Variants in ECM2 observed in about 807,000 individuals in gnomAD.
ECM2 encodes extracellular matrix protein 2.
A neutral mutation model predicts 67.5 loss-of-function variants in ECM2; 57 were observed. The ratio of observed to expected loss-of-function variants is 0.84; its 90% CI spans 0.68 to 1.05. The LOEUF is 1.05. Ranked by LOEUF, ECM2 falls within the 50% of genes least tolerant of loss-of-function variation. ECM2 has a pLI of 0.00. For missense variants in ECM2, 741 were observed against 822.8 expected (o/e 0.90, Z 1.22); for synonymous variants, 258 against 294.5 (o/e 0.88, Z 1.27).
rs112785393 is a variant in ECM2, at chr9:92,522,009, A to G, written c.292+566T>C. ...TTGTAAATATAGTGGTAGGATAAGT[A>G]ATTTTTGTCTAATAATTATAAATGT... On this transcript the variant is annotated intron_variant, in intron 2 of 9. Transcript: ENST00000344604. 2.3e-4 allele frequency among the ~76,000 whole-genome samples: 35 copies of G among 152,310 alleles called. 1 individual carries two copies. The highest frequency in any genetic ancestry group is 8.4e-4 in the African/African-American group (35 of 41,566).
chr9:92,536,607 C>G (rs779848006), upstream of ECM2: 1 of 152,350 alleles, frequency 6.6e-6, no homozygotes, highest in African/African-American at 2.4e-5. Context: ...TTACCTGTTA[C>G]GCTGGCAAAT....
intron 1 of ECM2, among the ~76,000 whole-genome samples, chr9:92,534,926 A>G (rs1417907645): frequency 6.6e-6 from 1 of 152,150 alleles, no homozygotes; most frequent in Non-Finnish European, 1.5e-5. Flanking sequence ...CTCTAGAGTT[A>G]AACTCTCATG....
At chr9:92,506,751 A>G (rs1847030805) in intron 6 of ECM2, among the ~76,000 whole-genome samples, 1 of 152,186 alleles carries the variant, frequency 6.6e-6, no homozygotes, top group Non-Finnish European at 1.5e-5. Context: ...AGGAACTTCC[A>G]AGCTGAAATA....
intron 1 of ECM2, among the ~76,000 whole-genome samples, chr9:92,529,747 T>A (rs1848634301): frequency 6.6e-6 from 1 of 152,268 alleles, no homozygotes. Flanking sequence ...TCTATGACAT[T>A]CTAGAAAGGG....
rs373077547 is a variant in ECM2 at position 92,535,580 on chromosome 9, C to G, written c.-28+353G>C. ...AATTCTACATGAAGTCATGAGATGT[C>G]TATTATCTATTTTCACTTCATTCAA... On this transcript the variant is annotated intron_variant, in intron 1 of 9. Transcript: ENST00000344604. Among the ~76,000 whole-genome samples, 238 of 151,944 alleles carry G rather than the reference C, an allele frequency of 1.6e-3. 3 individuals carry two copies. Among genetic ancestry groups the G allele is most frequent in the African/African-American group, 5.5e-3 (230 of 41,474 alleles).
chr9:92,525,925 ATTATGTAC>A (rs942878035), intron 1 of ECM2, among the ~76,000 whole-genome samples: 5 of 151,366 alleles, frequency 3.3e-5, no homozygotes, highest in African/African-American at 1.2e-4. Flanking sequence ...AGCACATACA[ATTATGTAC>A]AGTACAGTAC....
At chr9:92,514,498 C>A in intron 4 of ECM2, 133 bp downstream of exon 4, 1 of 1,246,016 alleles carries the variant, frequency 8.0e-7, no homozygotes, top group Non-Finnish European at 1.1e-6. Flanking sequence ...TGGTCTCAAA[C>A]CCCTGACCTC....
intron 2 of ECM2, among the ~76,000 whole-genome samples, chr9:92,521,012 A>G (rs1433749559): frequency 6.6e-6 from 1 of 152,250 alleles, no homozygotes; most frequent in East Asian, 1.9e-4. Context: ...GAAAATGTGC[A>G]GAAACAAGAT....
chr9:92,542,664 G>A, the ECM2 span, among the ~76,000 whole-genome samples: 1 of 152,090 alleles, frequency 6.6e-6, no homozygotes, highest in Non-Finnish European at 1.5e-5. Context: ...CTACAGGCAT[G>A]CACCACCACA....
the ECM2 span, among the ~76,000 whole-genome samples, chr9:92,545,853 G>T: frequency 6.6e-6 from 1 of 151,552 alleles, no homozygotes; most frequent in African/African-American, 2.4e-5. Context: ...TCAAGGTTTG[G>T]TAAATGCACC....
At chr9:92,527,051 C>G (rs1249607229) in intron 1 of ECM2, among the ~76,000 whole-genome samples, 2 of 152,176 alleles carry the variant, frequency 1.3e-5, no homozygotes, top group Non-Finnish European at 2.9e-5. Flanking sequence ...CTCTGCCACC[C>G]AGGCTGGAGT....
chr9:92,551,323 C>G, the ECM2 span, among the ~76,000 whole-genome samples: 1 of 151,972 alleles, frequency 6.6e-6, no homozygotes, highest in African/African-American at 2.4e-5. Context: ...TAGCATACTT[C>G]CCCAAAATGA....
At chr9:92,557,160 T>C in the ECM2 span, among the ~76,000 whole-genome samples, 1 of 152,252 alleles carries the variant, frequency 6.6e-6, no homozygotes, top group Non-Finnish European at 1.5e-5. Flanking sequence ...CAATCCCTTC[T>C]AGCTTATAGG....
the ECM2 span, among the ~76,000 whole-genome samples, chr9:92,552,190 T>TACACAC: frequency 0.045 from 4,707 of 104,164 alleles, 337 homozygotes; most frequent in Middle Eastern, 0.074. Flanking sequence ...ATCTATCATA[T>TACACAC]ACACACACAC....
chr9:92,522,443 A>G, intron 2 of ECM2, 132 bp downstream of exon 2: 1 of 1,059,924 alleles, frequency 9.4e-7, no homozygotes, highest in South Asian at 2.0e-5. Flanking sequence ...AAGTAATATA[A>G]TAACCTGGAT....
intron 4 of ECM2, among the ~76,000 whole-genome samples, chr9:92,512,500 A>G (rs1179605907): frequency 6.6e-6 from 1 of 152,188 alleles, no homozygotes; most frequent in Non-Finnish European, 1.5e-5. Context: ...ATTTTCCCAT[A>G]GCCATTTTCC....
In ECM2 at chr9:92,512,115, C is replaced by T. The variant is rs142186054; in HGVS notation, c.1066G>A (p.Ala356Thr). The change falls in exon 5 of 10, where the codon GCC (alanine) becomes ACC (threonine). Residue 356 changes from alanine to threonine, a missense_variant. By Grantham distance (58) the Ala-to-Thr change is moderately conservative (BLOSUM62 0). Coordinates refer to ENST00000344604, the MANE Select transcript of ECM2 (RefSeq NM_001393.4). ...TTAAATGCTTCATCTGGGATGGAGG[C>T]GATGGAATTGCCTAGGACACACAGC... ...TSLELTGNSI[A>T]SIPDEAFNGL... is the part of the protein sequence containing the mutation. The T allele has an allele frequency of 1.4e-5, 22 of 1,613,208 alleles. No homozygotes were observed. Among genetic ancestry groups the T allele is most frequent in the Middle Eastern group, 3.3e-4 (2 of 6,058 alleles).
chr9:92,554,014 T>C, the ECM2 span, among the ~76,000 whole-genome samples: 1 of 152,176 alleles, frequency 6.6e-6, no homozygotes, highest in Non-Finnish European at 1.5e-5. Flanking sequence ...TTTCAACTTT[T>C]CCCCATTCAG....
At chr9:92,525,361 C>T (rs1848327914) in intron 1 of ECM2, among the ~76,000 whole-genome samples, 1 of 151,936 alleles carries the variant, frequency 6.6e-6, no homozygotes, top group Non-Finnish European at 1.5e-5. Context: ...ACCCTGCAAG[C>T]ATTTGACTCA....
Sources: allele counts gnomAD v4.1 joint callset (sites outside exome capture counted in the v4.1 genomes callset), GRCh38; gene constraint gnomAD v4.1.1; transcripts MANE v1.5; gene names NCBI Gene and HGNC (gene_info 2026-07-23, HGNC 2026-07-21).